Variants in OR11A1 observed in about 807,000 individuals in gnomAD.
The protein encoded by OR11A1 is olfactory receptor 11A1.
For missense variants in OR11A1, 380 were observed against 378.2 expected (o/e 1.00, Z -0.04); for synonymous variants, 158 against 152.2 (o/e 1.04, Z -0.28).
At chr6:29,438,009 A>G (rs748771755) in intron 1 of OR11A1, among the ~76,000 whole-genome samples, 25 of 152,262 alleles carry the variant, frequency 1.6e-4, no homozygotes, top group Non-Finnish European at 3.5e-4. Context: ...AATCTAATAA[A>G]TAAATGAAAT....
intron 4 of OR11A1, chr6:29,428,080 A>G (rs976113117): frequency 2.5e-5 from 8 of 319,098 alleles, no homozygotes; most frequent in African/African-American, 4.5e-5. Flanking sequence ...AAACTCTTCT[A>G]TCTTTCTCAA....
chr6:29,440,588 C>G, intron 1 of OR11A1: 1 of 1,613,958 alleles, frequency 6.2e-7, no homozygotes, highest in Non-Finnish European at 8.5e-7. Flanking sequence ...GTGGAGACAC[C>G]TCGCTTAATG....
chr6:29,444,400 T>A (rs1032200715), intron 1 of OR11A1, among the ~76,000 whole-genome samples: 2 of 152,208 alleles, frequency 1.3e-5, no homozygotes, highest in African/African-American at 4.8e-5. Flanking sequence ...TGGTAAAGAT[T>A]GAAGACATGG....
chr6:29,448,063 C>T (rs1397122345), intron 1 of OR11A1, among the ~76,000 whole-genome samples: 1 of 125,012 alleles, frequency 8.0e-6, no homozygotes, highest in Non-Finnish European at 1.6e-5. Flanking sequence ...GTCGCCCAGG[C>T]TGGAGTACAG....
At chr6:29,435,654 A>C (rs1246422885) in intron 1 of OR11A1, among the ~76,000 whole-genome samples, 2 of 152,358 alleles carry the variant, frequency 1.3e-5, no homozygotes, top group Non-Finnish European at 1.5e-5. Context: ...AGGATTAACA[A>C]TATATTTTAA....
intron 1 of OR11A1, chr6:29,441,015 A>G (rs1377656069): frequency 9.3e-7 from 1 of 1,080,170 alleles, no homozygotes; most frequent in African/African-American, 1.6e-5. Context: ...CCTAAGGATC[A>G]AAGAGTCTCC....
At chr6:29,446,729 T>C (rs954094175) in intron 1 of OR11A1, among the ~76,000 whole-genome samples, 1 of 152,282 alleles carries the variant, frequency 6.6e-6, no homozygotes, top group Non-Finnish European at 1.5e-5. Flanking sequence ...AACCTCAGCA[T>C]GCCTGAAAAA....
intron 1 of OR11A1, chr6:29,439,382 C>G (rs1483960237): frequency 6.6e-6 from 1 of 152,186 alleles, no homozygotes; most frequent in African/African-American, 2.4e-5. Context: ...GCTCACCCCT[C>G]TAAATAGTTG....
chr6:29,440,694 A>G, intron 1 of OR11A1: 1 of 1,613,988 alleles, frequency 6.2e-7, no homozygotes, highest in Non-Finnish European at 8.5e-7. Flanking sequence ...CATCTTCCGG[A>G]TCCCATCTGT....
chr6:29,438,150 G>T (rs1783787572), intron 1 of OR11A1, among the ~76,000 whole-genome samples: 1 of 152,140 alleles, frequency 6.6e-6, no homozygotes, highest in African/African-American at 2.4e-5. Flanking sequence ...TTGTTATAAT[G>T]GTTGGTATGT....
At chr6:29,454,633 T>A (rs1785834138) in intron 1 of OR11A1, among the ~76,000 whole-genome samples, 1 of 152,182 alleles carries the variant, frequency 6.6e-6, no homozygotes, top group Non-Finnish European at 1.5e-5. Context: ...TTAAATCATA[T>A]GCCTTCAATG....
Position 29,426,869 on chromosome 6 carries a change from A to G in OR11A1, c.773T>C (p.Ile258Thr). The G allele has an allele frequency of 6.2e-7, 1 of 1,613,110 alleles. No homozygotes were observed. The highest frequency in any genetic ancestry group is 1.3e-5 in the African/African-American group (1 of 75,048). ...VVTTFYGTLM[I>T]FYVAPSAVHS... The stretch of plus-strand genomic sequence containing the variant: ...GACAGCAGAGGGTGCAACATAAAAG[A>G]TCATGAGCGTTCCATAGAATGTGGT... Residue 258 changes from isoleucine (I) to threonine (T), a missense_variant, in exon 5 of 5, where the codon ATC (isoleucine) becomes ACC (threonine). Ile to Thr is a moderately conservative substitution (Grantham distance 89, BLOSUM62 -1). Transcript: ENST00000377149.
chr6:29,443,492 G>T (rs1448372027), intron 1 of OR11A1, among the ~76,000 whole-genome samples: 1 of 152,002 alleles, frequency 6.6e-6, no homozygotes, highest in Non-Finnish European at 1.5e-5. Flanking sequence ...GACATAATTT[G>T]TTCATCCATT....
chr6:29,437,912 T>C (rs1405375078), intron 1 of OR11A1, among the ~76,000 whole-genome samples: 1 of 152,206 alleles, frequency 6.6e-6, no homozygotes, highest in African/African-American at 2.4e-5. Context: ...CAGCCATATT[T>C]CCCTGAACTA....
chr6:29,449,861 T>G (rs1381311709), intron 1 of OR11A1, among the ~76,000 whole-genome samples: 1 of 152,088 alleles, frequency 6.6e-6, no homozygotes, highest in Non-Finnish European at 1.5e-5. Context: ...GGTCTTGAAC[T>G]CCTGACCTCA....
intron 1 of OR11A1, chr6:29,439,959 A>T: frequency 7.3e-7 from 1 of 1,363,390 alleles, no homozygotes; most frequent in Non-Finnish European, 1.0e-6. Context: ...ACGATTCCAT[A>T]GTTGTGATTT....
Position 29,447,182 on chromosome 6 carries a change from C to T in OR11A1, c.-389+9805G>A, listed in dbSNP as rs539685911. Among the ~76,000 whole-genome samples, 210 of 152,268 alleles carry T rather than the reference C, an allele frequency of 1.4e-3. 5 individuals are homozygous for T. In the East Asian group the frequency reaches 0.021, roughly 15 times the overall value. ...GTTCTTGGTATCTAGACCTAATTCCCCATTTGCATAAAAGAATACAAATGA... is the reference window on the plus strand; with the variant it reads ...GTTCTTGGTATCTAGACCTAATTCCTCATTTGCATAAAAGAATACAAATGA... On this transcript the variant is annotated intron_variant, in intron 1 of 4. Transcript: ENST00000377149.
At chr6:29,430,234 T>C (rs1282420515) in intron 3 of OR11A1, 67 bp downstream of exon 3, 3 of 966,236 alleles carry the variant, frequency 3.1e-6, no homozygotes, top group East Asian at 1.1e-4. Context: ...CTGTTCTTCA[T>C]AGACTACAAA....
intron 1 of OR11A1, among the ~76,000 whole-genome samples, chr6:29,432,761 A>G (rs1156710580): frequency 1.3e-5 from 2 of 151,884 alleles, no homozygotes; most frequent in Non-Finnish European, 2.9e-5. Context: ...TTTATTTCTC[A>G]TCCCTAGGAG....
Sources: allele counts gnomAD v4.1 joint callset (sites outside exome capture counted in the v4.1 genomes callset), GRCh38; gene constraint gnomAD v4.1.1; transcripts MANE v1.5; gene names NCBI Gene and HGNC (gene_info 2026-07-23, HGNC 2026-07-21).